Variants in RORA observed in about 807,000 individuals in gnomAD.
RORA encodes nuclear receptor ROR-alpha.
A neutral mutation model predicts 69.5 loss-of-function variants in RORA; 7 were observed. The ratio of observed to expected loss-of-function variants is 0.10; its 90% CI spans 0.06 to 0.19. The LOEUF (loss-of-function observed/expected upper bound fraction) is 0.19. RORA is among the 10% of genes least tolerant of loss of function. The pLI, the probability that RORA is intolerant of heterozygous loss-of-function variation, is 1.00. For synonymous variants in RORA, 261 were observed against 240.8 expected (o/e 1.08, Z -0.78); for missense variants, 457 against 663.0 (o/e 0.69, Z 3.41).
intron 1 of RORA, among the ~76,000 whole-genome samples, chr15:60,690,451 G>A (rs1441060617): frequency 1.3e-5 from 2 of 152,204 alleles, no homozygotes; most frequent in Admixed American, 6.5e-5. Context: ...TTGGAGACAG[G>A]AGAGAGCACC....
chr15:60,605,518 C>T (rs1031197346), intron 2 of RORA, among the ~76,000 whole-genome samples: 4 of 152,058 alleles, frequency 2.6e-5, no homozygotes, highest in Admixed American at 6.5e-5. Context: ...AAAGAAACTA[C>T]GTAAACAATG....
intron 1 of RORA, among the ~76,000 whole-genome samples, chr15:60,716,632 T>C (rs1304573513): frequency 6.6e-6 from 1 of 152,214 alleles, no homozygotes; most frequent in African/African-American, 2.4e-5. Flanking sequence ...GTCTCTGATC[T>C]TCTCCTGCCC....
intron 1 of RORA, among the ~76,000 whole-genome samples, chr15:61,188,721 G>A (rs1028690946): frequency 1.3e-5 from 2 of 152,216 alleles, no homozygotes; most frequent in African/African-American, 4.8e-5. Context: ...CCACAATGGA[G>A]AGAGGGCAGG....
intron 2 of RORA, among the ~76,000 whole-genome samples, chr15:60,542,486 C>G (rs996769268): frequency 6.7e-6 from 1 of 148,368 alleles, no homozygotes; most frequent in South Asian, 2.1e-4. Flanking sequence ...ACAGGCGCAC[C>G]TCACACGGCA....
chr15:60,656,074 G>A (rs773984782), intron 2 of RORA, among the ~76,000 whole-genome samples: 11 of 152,160 alleles, frequency 7.2e-5, no homozygotes, highest in Non-Finnish European at 1.5e-4. Flanking sequence ...TATAGGTTCA[G>A]AGAAAAATTG....
At chr15:61,144,043 A>C (rs140837968) in intron 1 of RORA, among the ~76,000 whole-genome samples, 8 of 152,350 alleles carry the variant, frequency 5.3e-5, no homozygotes, top group African/African-American at 1.4e-4. Context: ...ATTTCTCCTA[A>C]ACAGAATCCC....
At chr15:60,802,941 T>A (rs1250805058) in intron 1 of RORA, among the ~76,000 whole-genome samples, 1 of 148,536 alleles carries the variant, frequency 6.7e-6, no homozygotes, top group Non-Finnish European at 1.5e-5. Context: ...AAAACCTAAA[T>A]GTTTTGTTTC....
At chr15:60,687,608 G>T (rs555654148) in intron 1 of RORA, among the ~76,000 whole-genome samples, 1 of 152,276 alleles carries the variant, frequency 6.6e-6, no homozygotes, top group East Asian at 1.9e-4. Flanking sequence ...AAAAACATTA[G>T]CTAGCCATGG....
At chr15:60,824,414 C>G (rs537557118) in intron 1 of RORA, among the ~76,000 whole-genome samples, 1 of 151,200 alleles carries the variant, frequency 6.6e-6, no homozygotes, top group African/African-American at 2.4e-5. Context: ...TGACAGAAGA[C>G]AACTGGCTCT....
At chr15:61,069,763 C>A (rs935758782) in intron 1 of RORA, among the ~76,000 whole-genome samples, 4 of 151,934 alleles carry the variant, frequency 2.6e-5, no homozygotes, top group South Asian at 4.2e-4. Context: ...AAAAGAAAAT[C>A]TCCTCTTGAA....
intron 2 of RORA, among the ~76,000 whole-genome samples, chr15:60,670,252 C>T (rs2070445642): frequency 6.7e-6 from 1 of 149,852 alleles, no homozygotes; most frequent in African/African-American, 2.5e-5. Flanking sequence ...CTACATTGCC[C>T]AGGTTGGGGT....
intron 1 of RORA, among the ~76,000 whole-genome samples, chr15:60,948,313 C>G (rs904933628): frequency 6.6e-6 from 1 of 151,710 alleles, no homozygotes; most frequent in Non-Finnish European, 1.5e-5. Context: ...TCTGCTTTTT[C>G]TGGTGATGCA....
At chr15:60,894,923 T>C (rs1891190775) in intron 1 of RORA, among the ~76,000 whole-genome samples, 1 of 152,196 alleles carries the variant, frequency 6.6e-6, no homozygotes, top group Non-Finnish European at 1.5e-5. Flanking sequence ...GGGCTCGTTG[T>C]CACAGCATCA....
At chr15:61,109,894 G>A (rs1354300089) in intron 1 of RORA, among the ~76,000 whole-genome samples, 2 of 152,172 alleles carry the variant, frequency 1.3e-5, no homozygotes, top group Non-Finnish European at 2.9e-5. Context: ...GTACCTGTGA[G>A]TGATTTGTTA....
chr15:61,105,867 A>C (rs1476727269), intron 1 of RORA, among the ~76,000 whole-genome samples: 1 of 152,250 alleles, frequency 6.6e-6, no homozygotes, highest in Non-Finnish European at 1.5e-5. Flanking sequence ...CTCCACTTCC[A>C]TTCTTCAGGT....
intron 1 of RORA, among the ~76,000 whole-genome samples, chr15:60,875,100 C>G (rs1241612361): frequency 6.6e-6 from 1 of 152,154 alleles, no homozygotes; most frequent in Non-Finnish European, 1.5e-5. Flanking sequence ...ATAGCTAGAC[C>G]CCTAGCTTAC....
chr15:60,508,997 C>T (rs1039465575), intron 5 of RORA, among the ~76,000 whole-genome samples: 12 of 152,146 alleles, frequency 7.9e-5, no homozygotes, highest in African/African-American at 2.2e-4. Context: ...GAGAATTGGA[C>T]TTAGGATGTG....
intron 1 of RORA, among the ~76,000 whole-genome samples, chr15:60,893,815 T>A (rs1174318268): frequency 6.6e-6 from 1 of 152,070 alleles, no homozygotes; most frequent in East Asian, 1.9e-4. Context: ...TCTTTAGAGG[T>A]CACCTGGCAT....
intron 1 of RORA, among the ~76,000 whole-genome samples, chr15:60,815,609 A>C (rs2081611910): frequency 6.6e-6 from 1 of 151,974 alleles, no homozygotes; most frequent in Admixed American, 6.6e-5. Flanking sequence ...CACTGCAGCC[A>C]GAGCCAGGTG....
Sources: gnomAD v4.1 joint callset for allele counts (sites outside exome capture counted in the v4.1 genomes callset) on GRCh38, gnomAD v4.1.1 for gene constraint, MANE v1.5 for transcripts, NCBI Gene and HGNC (gene_info 2026-07-23, HGNC 2026-07-21) for gene names.